The following SEPHS1 variants were observed in gnomAD, a reference collection of about 807,000 sequenced individuals.
The protein encoded by SEPHS1 is selenophosphate synthetase 1.
Under a neutral mutation model 39.2 loss-of-function variants are expected in SEPHS1, and 7 were observed. The observed-to-expected ratio is 0.18, with a 90% CI of 0.10 to 0.34. The LOEUF (loss-of-function observed/expected upper bound fraction) is 0.34. Ranked by LOEUF, SEPHS1 falls within the 10% of genes least tolerant of loss-of-function variation. The probability of loss-of-function intolerance (pLI) is 1.00; values close to 1 mark genes in which losing one functional copy is unlikely to be tolerated. For missense variants in SEPHS1, 253 were observed against 514.5 expected, an observed-to-expected ratio of 0.49 and a Z score of 4.92; for synonymous variants, 190 against 195.5, an observed-to-expected ratio of 0.97 and a Z score of 0.23.
chr10:13,327,091 C>T (rs1055332964), intron 7 of SEPHS1, among the ~76,000 whole-genome samples: 2 of 151,540 alleles, frequency 1.3e-5, no homozygotes, highest in African/African-American at 4.9e-5. Flanking sequence ...TACAAAAATC[C>T]GCCGGGCATG....
intron 1 of SEPHS1, among the ~76,000 whole-genome samples, chr10:13,346,707 A>T (rs550311976): frequency 2.3e-4 from 35 of 150,422 alleles, no homozygotes; most frequent in African/African-American, 7.3e-4. Context: ...ACACAGCCTC[A>T]CCCCTACCAG....
At chr10:13,342,097 C>G (rs888968228) in intron 2 of SEPHS1, among the ~76,000 whole-genome samples, 2 of 151,042 alleles carry the variant, frequency 1.3e-5, no homozygotes, top group East Asian at 3.9e-4. Flanking sequence ...GAAACCCCGT[C>G]TCTACTAAAA....
In SEPHS1 at chr10:13,338,737, T is replaced by C. The variant is rs767956492; in HGVS notation, c.265A>G (p.Ile89Val). ...TAAGGGTCGTCTACGATCGGGTAAA[T>C]GTAATCTGTGGTTTGAACCAAGGAA... ...GLSLVQTTDY[I>V]YPIVDDPYMM... Residue 89 changes from isoleucine (I) to valine (V), a missense_variant, in exon 3 of 9, where the codon ATT becomes GTT. Ile to Val is a conservative substitution (Grantham distance 29). This residue lies in a region of SEPHS1 where 123 missense variants were observed against 196.8 expected (regional missense o/e 0.62). Coordinates refer to ENST00000327347, the MANE Select transcript of SEPHS1 (RefSeq NM_012247.5). 1.5e-5 allele frequency: 25 copies of C among 1,613,942 alleles called. No homozygotes were observed. Among genetic ancestry groups the C allele is most frequent in the Non-Finnish European group, 2.1e-5 (25 of 1,179,970 alleles).
At chr10:13,337,084 G>A (rs1833658464) in intron 3 of SEPHS1, among the ~76,000 whole-genome samples, 1 of 152,088 alleles carries the variant, frequency 6.6e-6, no homozygotes, top group Non-Finnish European at 1.5e-5. Context: ...CTGGGAGGTG[G>A]AGGTTGCAGT....
intron 2 of SEPHS1, among the ~76,000 whole-genome samples, chr10:13,341,457 C>T (rs1833781925): frequency 6.6e-6 from 1 of 151,868 alleles, no homozygotes; most frequent in African/African-American, 2.4e-5. Flanking sequence ...CCTGCACCGC[C>T]CCCGCCAGCA....
chr10:13,337,033 C>T (rs1833657206), intron 3 of SEPHS1, among the ~76,000 whole-genome samples: 1 of 152,148 alleles, frequency 6.6e-6, no homozygotes, highest in South Asian at 2.1e-4. Context: ...CACCTGTAGT[C>T]TCAGCTACTT....
In SEPHS1 at chr10:13,346,555, G is replaced by T. The variant is rs755699852; in HGVS notation, c.-79+1445C>A. Among the ~76,000 whole-genome samples, 10 of 152,148 alleles carry T rather than the reference G, an allele frequency of 6.6e-5. 1 individual carries two copies. In the South Asian group the frequency reaches 8.3e-4, roughly 13 times the overall value. ...CAAGAAGTCTCCCTGCCCAAAAAGAGCAGGCGCTGGCCGCAAGTGACAAGA... is the reference window on the plus strand; with the variant it reads ...CAAGAAGTCTCCCTGCCCAAAAAGATCAGGCGCTGGCCGCAAGTGACAAGA... On this transcript the variant is annotated intron_variant, in intron 1 of 8. Coordinates refer to ENST00000327347, the MANE Select transcript of SEPHS1 (RefSeq NM_012247.5).
At position 13,336,288 on chromosome 10, in the gene SEPHS1, G is replaced by A. The variant is rs774247442; in HGVS notation, c.360C>T (p.Asp120=). ...DLYAMGVTEC[D]NMLMLLGVSN... ...TGACTCCAAGGAGCATCAGCATATT[G>A]TCACATTCCGTGACCCCCATTGCAT... is the stretch of plus-strand genomic sequence containing the variant. The change falls in exon 4 of 9, where the codon GAC becomes GAT. Residue 120 remains aspartate, a synonymous_variant. Coordinates refer to ENST00000327347, the MANE Select transcript of SEPHS1 (RefSeq NM_012247.5). 1 of 1,613,976 alleles carries A rather than the reference G, an allele frequency of 6.2e-7. No homozygotes were observed. The highest frequency in any genetic ancestry group is 8.5e-7 in the Non-Finnish European group (1 of 1,179,926).
chr10:13,333,891 G>A lies in SEPHS1; in HGVS notation c.486C>T (p.Gly162=), dbSNP rs1421140356. 1 of 1,613,998 alleles carries A rather than the reference G, an allele frequency of 6.2e-7. No individual in the cohort carries two copies. The highest frequency in any genetic ancestry group is 8.5e-7 in the Non-Finnish European group (1 of 1,179,886). ...CAATCCAGGGGTTTAGTACTGTTTG[G>A]CCGCCTGTTACAGATGTTCCTGCTT... The part of the protein sequence containing the change: ...AEEAGTSVTG[G]QTVLNPWIVL... Residue 162 remains glycine, a synonymous_variant, in exon 5 of 9, where the codon GGC becomes GGT. Coordinates refer to ENST00000327347, the MANE Select transcript of SEPHS1 (RefSeq NM_012247.5).
intron 3 of SEPHS1, among the ~76,000 whole-genome samples, chr10:13,336,800 G>A (rs1262081417): frequency 8.7e-6 from 1 of 115,216 alleles, no homozygotes; most frequent in Non-Finnish European, 2.0e-5. Flanking sequence ...TCTAAAAATG[G>A]CTGGCTTTAG....
intron 8 of SEPHS1, 130 bp downstream of exon 8, chr10:13,322,705 G>T: frequency 2.4e-6 from 2 of 817,734 alleles, no homozygotes; most frequent in Non-Finnish European, 3.9e-6. Flanking sequence ...ACCAGCTGCT[G>T]CGGAGGCCGA....
chr10:13,329,184 CAT>C (rs1379221563), intron 6 of SEPHS1, among the ~76,000 whole-genome samples: 3 of 152,118 alleles, frequency 2.0e-5, no homozygotes, highest in African/African-American at 7.2e-5. Flanking sequence ...ACTCACAAGA[CAT>C]ATCCTCATTA....
In SEPHS1 at chr10:13,344,799, T is replaced by C; in HGVS notation, c.152A>G (p.Gln51Arg). Reference sequence around the variant, plus strand: ...GGCTCCCAGAAACTGCTCATCTTCTTGGAAGTGGTTCTCCTGTAAAGATTC... The same window carrying C: ...GGCTCCCAGAAACTGCTCATCTTCTCGGAAGTGGTTCTCCTGTAAAGATTC... The part of the protein sequence containing the change: ...LLESLQENHF[Q>R]EDEQFLGAVM... Residue 51 changes from glutamine to arginine, a missense_variant, in exon 2 of 9, where the codon CAA becomes CGA. Physicochemically the swap from Gln to Arg is conservative, Grantham distance 43. This residue lies in a region of SEPHS1 where 123 missense variants were observed against 196.8 expected (regional missense o/e 0.62). Transcript: ENST00000327347. 2 of 1,584,934 alleles carry C rather than the reference T, an allele frequency of 1.3e-6. No homozygotes were observed. Among genetic ancestry groups the C allele is most frequent in the Non-Finnish European group, 1.7e-6 (2 of 1,163,398 alleles).
intron 8 of SEPHS1, among the ~76,000 whole-genome samples, chr10:13,319,770 ACTCC>A (rs759943656): frequency 1.2e-4 from 18 of 151,648 alleles, no homozygotes; most frequent in Non-Finnish European, 2.1e-4. Context: ...ATGAACCACC[ACTCC>A]CAGCCTAAGA....
chr10:13,319,447 A>G, intron 8 of SEPHS1, 91 bp from the exon 9 acceptor site: 5 of 1,338,108 alleles, frequency 3.7e-6, no homozygotes, highest in Non-Finnish European at 5.3e-6. Flanking sequence ...ACTTCCATCA[A>G]CAACTTGCTG....
At chr10:13,338,255 G>A (rs1404836127) in intron 3 of SEPHS1, among the ~76,000 whole-genome samples, 2 of 152,218 alleles carry the variant, frequency 1.3e-5, no homozygotes, top group South Asian at 2.1e-4. Context: ...ATCTAATTGT[G>A]ATGAGATACT....
chr10:13,335,451 C>T (rs569203522), intron 4 of SEPHS1, among the ~76,000 whole-genome samples: 1 of 148,644 alleles, frequency 6.7e-6, no homozygotes, highest in African/African-American at 2.5e-5. Flanking sequence ...GGATCACGAG[C>T]TCAGGAGTTC....
chr10:13,328,317 C>G, intron 7 of SEPHS1, 34 bp downstream of exon 7: 1 of 1,415,916 alleles, frequency 7.1e-7, no homozygotes, highest in Admixed American at 1.7e-5. Flanking sequence ...GTCTTGGACC[C>G]CTGGGACCGA....
chr10:13,333,979 T>A lies in SEPHS1; in HGVS notation c.406-8A>T. 1 of 1,597,694 alleles carries A rather than the reference T, an allele frequency of 6.3e-7. No individual in the cohort carries two copies. Among genetic ancestry groups the A allele is most frequent in the Non-Finnish European group, 8.5e-7 (1 of 1,175,624 alleles). The stretch of plus-strand genomic sequence containing the variant: ...CATCACTTTATCCCTTTCCTAAGGT[T>A]GAAAAAGGTACAAATAAAAAGTCAA... On this transcript the variant is annotated splice_polypyrimidine_tract_variant and splice_region_variant and intron_variant, in intron 4 of 8. Coordinates refer to ENST00000327347, the MANE Select transcript of SEPHS1 (RefSeq NM_012247.5).
Sources: allele counts gnomAD v4.1 joint callset (sites outside exome capture counted in the v4.1 genomes callset), GRCh38; gene constraint gnomAD v4.1.1; regional missense constraint gnomAD v4.1.1; transcripts MANE v1.5; gene names NCBI Gene and HGNC (gene_info 2026-07-23, HGNC 2026-07-21).